The following LEPR variants were observed in gnomAD, a reference collection of about 807,000 sequenced individuals.
LEPR encodes leptin receptor.
A neutral mutation model predicts 114.7 loss-of-function variants in LEPR; 56 were observed. The ratio of observed to expected loss-of-function variants is 0.49; its 90% CI spans 0.39 to 0.61. The LOEUF is 0.61. Among genes scored for constraint, LEPR ranks in the 20% least tolerant of loss-of-function variants. The probability of loss-of-function intolerance (pLI) is 0.00; values close to 1 mark genes in which losing one functional copy is unlikely to be tolerated. For synonymous variants in LEPR, 443 were observed against 461.4 expected (o/e 0.96, Z 0.51); for missense variants, 1,202 against 1,352.9 (o/e 0.89, Z 1.75).
At chr1:65,435,640 T>C (rs1277713315) in intron 2 of LEPR, 2 of 977,582 alleles carry the variant, frequency 2.0e-6, no homozygotes, top group African/African-American at 3.5e-5. Flanking sequence ...GTGCTGGGAT[T>C]ACAGGCCTGA....
At chr1:65,534,718 C>G (rs752182974) in intron 2 of LEPR, among the ~76,000 whole-genome samples, 3 of 152,090 alleles carry the variant, frequency 2.0e-5, no homozygotes, top group Non-Finnish European at 4.4e-5. Flanking sequence ...TAGCTTTGGA[C>G]CAATACTGTC....
intron 1 of LEPR, among the ~76,000 whole-genome samples, chr1:65,424,678 T>C (rs1646323115): frequency 6.6e-6 from 1 of 152,226 alleles, no homozygotes; most frequent in East Asian, 1.9e-4. Flanking sequence ...AAGTCCAAAA[T>C]TGTGGTGCAG....
At chr1:65,488,710 T>C (rs941649937) in intron 2 of LEPR, among the ~76,000 whole-genome samples, 1 of 152,052 alleles carries the variant, frequency 6.6e-6, no homozygotes, top group African/African-American at 2.4e-5. Context: ...TTATTCATTC[T>C]ATCTAAGTTT....
chr1:65,591,767 A>G (rs1401133812), intron 5 of LEPR, among the ~76,000 whole-genome samples: 1 of 151,950 alleles, frequency 6.6e-6, no homozygotes, highest in East Asian at 1.9e-4. Flanking sequence ...ATCCAGCATG[A>G]TAATCTTTGC....
chr1:65,429,948 A>C (rs775559342), intron 2 of LEPR: 6 of 1,575,900 alleles, frequency 3.8e-6, no homozygotes, highest in Non-Finnish European at 5.2e-6. Flanking sequence ...TATGACTCAG[A>C]TGCAACCAGT....
At chr1:65,509,489 T>A (rs1305449277) in intron 2 of LEPR, among the ~76,000 whole-genome samples, 1 of 152,192 alleles carries the variant, frequency 6.6e-6, no homozygotes, top group Non-Finnish European at 1.5e-5. Flanking sequence ...TGTTTATTGA[T>A]GTTTTCAATT....
At chr1:65,479,753 C>T (rs1292029676) in intron 2 of LEPR, among the ~76,000 whole-genome samples, 1 of 152,146 alleles carries the variant, frequency 6.6e-6, no homozygotes, top group Non-Finnish European at 1.5e-5. Flanking sequence ...AACCACAAAT[C>T]CTCCAAAACA....
intron 2 of LEPR, chr1:65,427,940 A>G (rs542583851): frequency 4.1e-4 from 69 of 166,292 alleles, no homozygotes; most frequent in African/African-American, 1.6e-3. Context: ...TATCATCTAT[A>G]TTGGAAGTCA....
At chr1:65,550,190 G>T (rs919453460) in intron 2 of LEPR, among the ~76,000 whole-genome samples, 2 of 152,144 alleles carry the variant, frequency 1.3e-5, no homozygotes, top group Non-Finnish European at 2.9e-5. Context: ...TCTCAGAGGA[G>T]TACCCGGCCG....
intron 18 of LEPR, among the ~76,000 whole-genome samples, chr1:65,622,703 T>G (rs899399330): frequency 1.3e-5 from 2 of 152,190 alleles, no homozygotes; most frequent in African/African-American, 2.4e-5. Flanking sequence ...ATTGGCTATT[T>G]CTATTATTAC....
intron 5 of LEPR, among the ~76,000 whole-genome samples, chr1:65,583,083 C>A (rs1418332088): frequency 1.3e-5 from 2 of 152,100 alleles, no homozygotes; most frequent in Non-Finnish European, 1.5e-5. Context: ...CAAAGACAGA[C>A]AGAACTGTGA....
intron 2 of LEPR, among the ~76,000 whole-genome samples, chr1:65,525,374 G>A (rs1414639640): frequency 6.6e-6 from 1 of 152,164 alleles, no homozygotes; most frequent in African/African-American, 2.4e-5. Flanking sequence ...TCGCGGCACC[G>A]CGTGCTTGCT....
At chr1:65,600,244 T>C (rs1656354168) in intron 8 of LEPR, among the ~76,000 whole-genome samples, 2 of 152,152 alleles carry the variant, frequency 1.3e-5, no homozygotes, top group Admixed American at 1.3e-4. Context: ...GTAAGTAATG[T>C]ACAAGTGAAG....
chr1:65,508,209 A>G (rs1439869708), intron 2 of LEPR, among the ~76,000 whole-genome samples: 1 of 151,958 alleles, frequency 6.6e-6, no homozygotes, highest in African/African-American at 2.4e-5. Context: ...CCATCTGTCT[A>G]TTTTTGCTTT....
At chr1:65,434,535 C>G (rs1646532433) in intron 2 of LEPR, 1 of 985,010 alleles carries the variant, frequency 1.0e-6, no homozygotes, top group Non-Finnish European at 1.2e-6. Context: ...GGCCAAGCCT[C>G]CCTCAACAGG....
chr1:65,626,149 G>T (rs1190784307), intron 19 of LEPR: 1 of 1,612,362 alleles, frequency 6.2e-7, no homozygotes. Flanking sequence ...AGGAACTACT[G>T]GGTGGAGGTT....
At chr1:65,519,896 G>A (rs750660696) in intron 2 of LEPR, among the ~76,000 whole-genome samples, 3 of 151,786 alleles carry the variant, frequency 2.0e-5, no homozygotes, top group Non-Finnish European at 2.9e-5. Context: ...ATGGAGTCTC[G>A]CTCTGTTGCC....
intron 2 of LEPR, among the ~76,000 whole-genome samples, chr1:65,437,449 G>A (rs1304577402): frequency 6.6e-6 from 1 of 151,956 alleles, no homozygotes; most frequent in Non-Finnish European, 1.5e-5. Flanking sequence ...AAAAAGGAAT[G>A]AAGTACTGAA....
At chr1:65,474,191 A>G (rs1647126775) in intron 2 of LEPR, among the ~76,000 whole-genome samples, 1 of 152,174 alleles carries the variant, frequency 6.6e-6, no homozygotes, top group South Asian at 2.1e-4. Flanking sequence ...GTGATCTCTG[A>G]AGTTTTAAGC....
Sources: allele counts gnomAD v4.1 joint callset (sites outside exome capture counted in the v4.1 genomes callset), GRCh38; gene constraint gnomAD v4.1.1; transcripts MANE v1.5; gene names NCBI Gene and HGNC (gene_info 2026-07-23, HGNC 2026-07-21).